The following KCNC2 variants were observed in gnomAD, a reference collection of about 807,000 sequenced individuals.
KCNC2 encodes the protein voltage-gated potassium channel KCNC2.
KCNC2 carries 21 observed loss-of-function variants against 44.5 expected under a neutral mutation model. The observed-to-expected ratio is 0.47, with a 90% CI of 0.33 to 0.68. KCNC2 has a LOEUF of 0.68. Ranked by LOEUF, KCNC2 falls within the 30% of genes least tolerant of loss-of-function variation. The probability of loss-of-function intolerance (pLI) is 0.01; values close to 1 mark genes in which losing one functional copy is unlikely to be tolerated. For missense variants in KCNC2, 589 were observed against 826.2 expected, an observed-to-expected ratio of 0.71 and a Z score of 3.52; for synonymous variants, 391 against 339.1, an observed-to-expected ratio of 1.15 and a Z score of -1.68.
intron 2 of KCNC2, among the ~76,000 whole-genome samples, chr12:75,090,727 T>A (rs577722433): frequency 6.6e-6 from 1 of 151,674 alleles, no homozygotes; most frequent in Admixed American, 6.6e-5. Flanking sequence ...CAGGAATAGT[T>A]TAGAAATTAT....
At chr12:75,174,961 G>T (rs182094410) in intron 2 of KCNC2, among the ~76,000 whole-genome samples, 1 of 152,060 alleles carries the variant, frequency 6.6e-6, no homozygotes, top group East Asian at 1.9e-4. Flanking sequence ...CCAAGCTGGT[G>T]ATAGCAATAA....
intron 2 of KCNC2, among the ~76,000 whole-genome samples, chr12:75,188,601 C>A (rs1207855471): frequency 5.3e-5 from 7 of 131,498 alleles, no homozygotes; most frequent in Admixed American, 4.9e-4. Flanking sequence ...GTGGCTTACA[C>A]CTGTAATCCC....
chr12:75,114,856 C>CT (rs754820554), intron 2 of KCNC2, among the ~76,000 whole-genome samples: 1,835 of 86,554 alleles, frequency 0.021, 196 homozygotes, highest in Non-Finnish European at 0.025. Flanking sequence ...TCAACTTCTA[C>CT]TTTTTTTTTT....
intron 2 of KCNC2, among the ~76,000 whole-genome samples, chr12:75,161,634 C>G (rs948686551): frequency 6.6e-6 from 1 of 151,640 alleles, no homozygotes; most frequent in Non-Finnish European, 1.5e-5. Context: ...AAATTTCTGG[C>G]CCAGTAAGTT....
chr12:75,119,924 T>C (rs1235105323), intron 2 of KCNC2, among the ~76,000 whole-genome samples: 1 of 152,232 alleles, frequency 6.6e-6, no homozygotes, highest in Non-Finnish European at 1.5e-5. Flanking sequence ...TTATATCTGA[T>C]AATAATTCTG....
chr12:75,040,207 C>A lies in KCNC2; in HGVS notation c.*2898G>T, dbSNP rs1236033919. 6.6e-6 allele frequency: 1 copy of A among 151,960 alleles called. No homozygotes were observed. Among genetic ancestry groups the A allele is most frequent in the Non-Finnish European group, 1.5e-5 (1 of 67,952 alleles). 9.4% of individuals were successfully genotyped at this position (151,960 alleles called of 1,614,324 possible). On this transcript the variant is annotated 3_prime_UTR_variant, in exon 5 of 5. Transcript: ENST00000549446. ...TTGTGCATGCGCCTTGAAATGTTCA[C>A]AAAAGGTCCACGATACAGGGATTTA...
chr12:75,099,079 A>G (rs796279532), intron 2 of KCNC2, among the ~76,000 whole-genome samples: 38 of 152,324 alleles, frequency 2.5e-4, no homozygotes, highest in African/African-American at 8.7e-4. Context: ...TTATCTAAAA[A>G]CACACATCTT....
intron 2 of KCNC2, among the ~76,000 whole-genome samples, chr12:75,192,440 C>T (rs2030376132): frequency 6.6e-6 from 1 of 152,184 alleles, no homozygotes; most frequent in African/African-American, 2.4e-5. Flanking sequence ...ATTGTTCCAA[C>T]TTAATGGTGT....
chr12:75,099,189 T>TAA (rs1353051824), intron 2 of KCNC2, among the ~76,000 whole-genome samples: 1 of 152,192 alleles, frequency 6.6e-6, no homozygotes, highest in Non-Finnish European at 1.5e-5. Context: ...GAGTAGCGTC[T>TAA]AAAGGGCTGG....
intron 2 of KCNC2, among the ~76,000 whole-genome samples, chr12:75,058,934 G>GCTC (rs1466559331): frequency 1.3e-5 from 2 of 151,920 alleles, no homozygotes; most frequent in Non-Finnish European, 2.9e-5. Flanking sequence ...GTGGACATCT[G>GCTC]CTCCTCTTTG....
intron 4 of KCNC2, among the ~76,000 whole-genome samples, chr12:75,043,977 CTTT>C (rs2136914359): frequency 6.6e-6 from 1 of 152,088 alleles, no homozygotes; most frequent in South Asian, 2.1e-4. Flanking sequence ...GTTAATTCAT[CTTT>C]TCTTTCTATT....
intron 2 of KCNC2, among the ~76,000 whole-genome samples, chr12:75,187,416 C>G (rs996359545): frequency 2.0e-5 from 3 of 152,214 alleles, no homozygotes; most frequent in Admixed American, 6.5e-5. Context: ...GAAAATCAGT[C>G]TCATTGAATT....
At chr12:75,071,448 C>T (rs1180674011) in intron 2 of KCNC2, among the ~76,000 whole-genome samples, 2 of 152,158 alleles carry the variant, frequency 1.3e-5, no homozygotes, top group African/African-American at 4.8e-5. Context: ...TATTTGTAAT[C>T]TTAAATGGTT....
chr12:75,143,085 G>A lies in KCNC2; in HGVS notation c.687+64212C>T, dbSNP rs1889771485. Among the ~76,000 whole-genome samples, 3 of 152,088 alleles carry A rather than the reference G, an allele frequency of 2.0e-5. 1 individual carries two copies. The South Asian group carries it at 6.2e-4, about 31-fold the overall frequency. On this transcript the variant is annotated intron_variant, in intron 2 of 4. Coordinates refer to ENST00000549446, the MANE Select transcript of KCNC2 (RefSeq NM_139137.4). ...TCCTCAGAATGGGTCCGTCTCAGAGGCCTTTAGAAATGATGATGTTAGTGA... is the reference window on the plus strand; with the variant it reads ...TCCTCAGAATGGGTCCGTCTCAGAGACCTTTAGAAATGATGATGTTAGTGA...
chr12:75,184,782 T>C (rs756243334), intron 2 of KCNC2, among the ~76,000 whole-genome samples: 4 of 152,216 alleles, frequency 2.6e-5, no homozygotes, highest in Non-Finnish European at 4.4e-5. Flanking sequence ...TTCTGTATGA[T>C]GCATTGACTG....
chr12:75,142,910 G>C lies in KCNC2; in HGVS notation c.687+64387C>G, dbSNP rs76624721. Among the ~76,000 whole-genome samples the C allele has an allele frequency of 3.3e-3, 508 of 152,298 alleles. 2 individuals are homozygous for C. The highest frequency in any genetic ancestry group is 0.011 in the African/African-American group (468 of 41,568). On this transcript the variant is annotated intron_variant, in intron 2 of 4. Coordinates refer to ENST00000549446, the MANE Select transcript of KCNC2 (RefSeq NM_139137.4). ...GGGAACACAGACACCACCTGTTGAAGAGAGGAGTGTTAAAGTGATAAAGTA... is the reference window on the plus strand; with the variant it reads ...GGGAACACAGACACCACCTGTTGAACAGAGGAGTGTTAAAGTGATAAAGTA...
At chr12:75,066,367 T>C (rs1032837709) in intron 2 of KCNC2, among the ~76,000 whole-genome samples, 2 of 152,206 alleles carry the variant, frequency 1.3e-5, no homozygotes, top group African/African-American at 2.4e-5. Context: ...AGGTCACTTA[T>C]ATATTTGGTT....
intron 2 of KCNC2, among the ~76,000 whole-genome samples, chr12:75,167,263 T>C (rs1369101813): frequency 6.6e-6 from 1 of 151,384 alleles, no homozygotes; most frequent in Non-Finnish European, 1.5e-5. Context: ...ATCTTTAATT[T>C]TATTTTGTCA....
At position 75,189,938 on chromosome 12, in the gene KCNC2, G is replaced by A. The variant is rs145652908; in HGVS notation, c.687+17359C>T. Among the ~76,000 whole-genome samples, 300 of 152,088 alleles carry A rather than the reference G, an allele frequency of 2.0e-3. 1 individual carries two copies. The highest frequency in any genetic ancestry group is 6.7e-3 in the African/African-American group (277 of 41,472). Reference sequence around the variant, plus strand: ...AGAGACTCTTCTGTCCCCACCTCTCGCCAATACAAAAATCACTTGATAAAT... The same window carrying A: ...AGAGACTCTTCTGTCCCCACCTCTCACCAATACAAAAATCACTTGATAAAT... On this transcript the variant is annotated intron_variant, in intron 2 of 4. Transcript: ENST00000549446.
Sources: gnomAD v4.1 joint callset for allele counts (sites outside exome capture counted in the v4.1 genomes callset) on GRCh38, gnomAD v4.1.1 for gene constraint, MANE v1.5 for transcripts, NCBI Gene and HGNC (gene_info 2026-07-23, HGNC 2026-07-21) for gene names.